The following A2ML1 variants were observed in gnomAD, a reference collection of about 807,000 sequenced individuals.
A2ML1 encodes the protein alpha-2-macroglobulin-like protein 1.
Under a neutral mutation model 181.9 loss-of-function variants are expected in A2ML1, and 161 were observed. The observed-to-expected ratio is 0.89, with a 90% confidence interval of 0.78 to 1.01. The LOEUF (loss-of-function observed/expected upper bound fraction) is 1.01. Among genes scored for constraint, A2ML1 ranks in the 50% least tolerant of loss-of-function variants. The probability of loss-of-function intolerance (pLI) is 0.00; values close to 1 mark genes in which losing one functional copy is unlikely to be tolerated. For synonymous variants in A2ML1, 663 were observed against 666.8 expected, an observed-to-expected ratio of 0.99 and a Z score of 0.09; for missense variants, 1,670 against 1,768.1, an observed-to-expected ratio of 0.94 and a Z score of 1.00.
rs557322584 is a variant in A2ML1, at chr12:8,826,705, G to A, written c.409+2823G>A. ...TAAATGGTTGCTCATTGCAGCCTCTGCCTCCTGGGTTCAAGTGATTCTCCT... is the reference window on the plus strand; with the variant it reads ...TAAATGGTTGCTCATTGCAGCCTCTACCTCCTGGGTTCAAGTGATTCTCCT... On this transcript the variant is annotated intron_variant, in intron 3 of 35. Transcript: ENST00000299698. Among the ~76,000 whole-genome samples, 149 of 152,246 alleles carry A rather than the reference G, an allele frequency of 9.8e-4. 1 individual carries two copies. The highest frequency in any genetic ancestry group is 1.5e-3 in the Non-Finnish European group (101 of 68,014).
intron 3 of A2ML1, among the ~76,000 whole-genome samples, chr12:8,828,030 T>C (rs985080091): frequency 6.6e-6 from 1 of 152,080 alleles, no homozygotes; most frequent in African/African-American, 2.4e-5. Context: ...GCCACCAGCA[T>C]TGGGACTGCA....
chr12:8,829,461 A>G (rs1239167866), intron 3 of A2ML1, among the ~76,000 whole-genome samples: 1 of 152,000 alleles, frequency 6.6e-6, no homozygotes, highest in African/African-American at 2.4e-5. Context: ...TCAGGAGTTC[A>G]TAGACCAGCC....
At chr12:8,869,293 A>C in intron 33 of A2ML1, 90 bp downstream of exon 33, 1 of 1,348,988 alleles carries the variant, frequency 7.4e-7, no homozygotes, top group Non-Finnish European at 1.1e-6. Flanking sequence ...TGTCACACAC[A>C]TGGGGATGAG....
chr12:8,884,646 C>T (rs1266070354), intron 7 of A2ML1, among the ~76,000 whole-genome samples: 1 of 152,218 alleles, frequency 6.6e-6, no homozygotes, highest in Non-Finnish European at 1.5e-5. Context: ...AAGTGATTCT[C>T]CTGTCTCAGG....
chr12:8,885,444 T>A (rs1944912900), intron 7 of A2ML1, among the ~76,000 whole-genome samples: 1 of 151,838 alleles, frequency 6.6e-6, no homozygotes, highest in African/African-American at 2.4e-5. Context: ...ATAAAAGCTT[T>A]TTATTTTATT....
chr12:8,826,372 T>C (rs1239784607), intron 3 of A2ML1, among the ~76,000 whole-genome samples: 1 of 152,202 alleles, frequency 6.6e-6, no homozygotes, highest in African/African-American at 2.4e-5. Context: ...ATATTATTTA[T>C]AGCTATTGTA....
intron 4 of A2ML1, 135 bp downstream of exon 4, chr12:8,829,914 G>C: frequency 9.9e-7 from 1 of 1,014,362 alleles, no homozygotes. Flanking sequence ...GTGTGCGTGG[G>C]ACTGGAAGTG....
chr12:8,881,569 CTTAA>C (rs1944870968), downstream of A2ML1, among the ~76,000 whole-genome samples: 1 of 152,172 alleles, frequency 6.6e-6, no homozygotes, highest in Non-Finnish European at 1.5e-5. Context: ...TTAAGTGTTT[CTTAA>C]TTGCCTTCCA....
At chr12:8,832,437 T>G (rs886100596) in intron 4 of A2ML1, among the ~76,000 whole-genome samples, 9 of 152,206 alleles carry the variant, frequency 5.9e-5, no homozygotes, top group African/African-American at 1.4e-4. Context: ...GGGGTCTTTT[T>G]GGGAAAGGGC....
At chr12:8,876,789 G>A (rs1022784077), downstream of A2ML1, 2 of 152,158 alleles carry the variant, frequency 1.3e-5, no homozygotes, top group Non-Finnish European at 2.9e-5. Context: ...GAAAATCTGT[G>A]CATTTAGTTC....
At chr12:8,877,878 G>A (rs1565499559), downstream of A2ML1, among the ~76,000 whole-genome samples, 1 of 152,148 alleles carries the variant, frequency 6.6e-6, no homozygotes, top group Non-Finnish European at 1.5e-5. Context: ...AAGGACACAT[G>A]CACCTGTATG....
At chr12:8,834,555 TG>T in intron 4 of A2ML1, 106 bp from the exon 5 acceptor site, 1 of 1,365,788 alleles carries the variant, frequency 7.3e-7, no homozygotes, top group Non-Finnish European at 1.0e-6. Context: ...AATGAAGAAA[TG>T]GGCAAGAGGG....
intron 2 of A2ML1, 115 bp downstream of exon 2, chr12:8,823,480 C>CT: frequency 7.9e-7 from 1 of 1,273,716 alleles, no homozygotes. Flanking sequence ...GCCTCTAAAC[C>CT]TATTTTTTCT....
chr12:8,836,885 A>C (rs1300645434), intron 7 of A2ML1, among the ~76,000 whole-genome samples: 1 of 152,178 alleles, frequency 6.6e-6, no homozygotes, highest in African/African-American at 2.4e-5. Flanking sequence ...AATCCCATAG[A>C]TAAATATGGA....
At chr12:8,882,857 G>A (rs187210265) in intron 7 of A2ML1, among the ~76,000 whole-genome samples, 4 of 152,160 alleles carry the variant, frequency 2.6e-5, no homozygotes, top group Admixed American at 1.3e-4. Flanking sequence ...AAACCCTTCA[G>A]GGGCTGTTAG....
At chr12:8,829,415 C>T (rs1043316229) in intron 3 of A2ML1, among the ~76,000 whole-genome samples, 1 of 152,180 alleles carries the variant, frequency 6.6e-6, no homozygotes, top group Admixed American at 6.5e-5. Flanking sequence ...ATAATCCCAG[C>T]ACTTTGGGAG....
intron 11 of A2ML1, among the ~76,000 whole-genome samples, chr12:8,842,347 T>C (rs1054055994): frequency 2.0e-5 from 3 of 151,516 alleles, no homozygotes; most frequent in Admixed American, 1.3e-4. Context: ...CCTCCCCGAG[T>C]AGCTGGGACT....
chr12:8,831,371 T>C (rs1044248589), intron 4 of A2ML1, among the ~76,000 whole-genome samples: 4 of 152,186 alleles, frequency 2.6e-5, no homozygotes, highest in African/African-American at 9.7e-5. Context: ...TTGATCTCAT[T>C]AACTACCCCT....
chr12:8,863,183 C>A (rs10771131), intron 28 of A2ML1, among the ~76,000 whole-genome samples: 2 of 151,472 alleles, frequency 1.3e-5, no homozygotes, highest in African/African-American at 2.4e-5. Context: ...CTCAGTTCAC[C>A]GCAACCTCCA....
Sources: gnomAD v4.1 joint callset for allele counts (sites outside exome capture counted in the v4.1 genomes callset) on GRCh38, gnomAD v4.1.1 for gene constraint, MANE v1.5 for transcripts, NCBI Gene and HGNC (gene_info 2026-07-23, HGNC 2026-07-21) for gene names.